Variants in EYS observed in about 807,000 individuals in gnomAD.
EYS encodes protein eyes shut homolog.
In EYS, 250 loss-of-function variants were observed where a neutral mutation model predicts 282.1. The observed-to-expected ratio is 0.89, with a 90% CI of 0.80 to 0.98. The LOEUF is 0.98. Ranked by LOEUF, EYS falls within the 50% of genes least tolerant of loss-of-function variation. The pLI, the probability that EYS is intolerant of heterozygous loss-of-function variation, is 0.00. For synonymous variants in EYS, 1,355 were observed against 1,282.9 expected (o/e 1.06, Z -1.20); for missense variants, 4,016 against 3,709.0 (o/e 1.08, Z -2.15).
intron 26 of EYS, among the ~76,000 whole-genome samples, chr6:64,440,326 C>G (rs1381715235): frequency 6.6e-6 from 1 of 151,940 alleles, no homozygotes; most frequent in Non-Finnish European, 1.5e-5. Context: ...TAGAATTACT[C>G]ATTTTGCTAC....
At chr6:63,885,023 G>T (rs1256194798) in intron 35 of EYS, among the ~76,000 whole-genome samples, 1 of 152,000 alleles carries the variant, frequency 6.6e-6, no homozygotes, top group African/African-American at 2.4e-5. Flanking sequence ...CTTTCCATTT[G>T]CATCTCATGC....
chr6:64,295,793 A>C (rs1218268504), intron 30 of EYS, among the ~76,000 whole-genome samples: 1 of 151,962 alleles, frequency 6.6e-6, no homozygotes, highest in East Asian at 1.9e-4. Flanking sequence ...TTTGTTGCCA[A>C]TGTTACAATT....
intron 30 of EYS, among the ~76,000 whole-genome samples, chr6:64,286,290 T>A (rs1359949354): frequency 6.6e-6 from 1 of 151,866 alleles, no homozygotes; most frequent in Non-Finnish European, 1.5e-5. Flanking sequence ...GTTGAAAGAG[T>A]TTAAACTTTA....
At chr6:64,890,574 A>T (rs1395040440) in intron 18 of EYS, among the ~76,000 whole-genome samples, 2 of 152,056 alleles carry the variant, frequency 1.3e-5, no homozygotes, top group African/African-American at 4.8e-5. Flanking sequence ...TGTTATATTC[A>T]TTTTTTTGCT....
At chr6:64,160,358 T>G (rs1024197050) in intron 31 of EYS, among the ~76,000 whole-genome samples, 9 of 152,226 alleles carry the variant, frequency 5.9e-5, no homozygotes. Flanking sequence ...TTCATTCTCA[T>G]GTACTGAGTG....
Position 63,739,370 on chromosome 6 carries a change from C to T in EYS, c.8072-12690G>A, listed in dbSNP as rs142652518. On this transcript the variant is annotated intron_variant, in intron 41 of 42. Transcript: ENST00000503581. ...CAGGGAGCTCTGGAGCTCCCTGGAGCTCTTTAGAGTCATTTCACATTGAAG... is the reference window on the plus strand; with the variant it reads ...CAGGGAGCTCTGGAGCTCCCTGGAGTTCTTTAGAGTCATTTCACATTGAAG... Among the ~76,000 whole-genome samples the T allele has an allele frequency of 2.2e-4, 33 of 152,228 alleles. No homozygotes were observed. The East Asian group carries it at 6.0e-3, about 28-fold the overall frequency.
chr6:64,113,643 A>G (rs1172772776), intron 31 of EYS, among the ~76,000 whole-genome samples: 2 of 152,174 alleles, frequency 1.3e-5, no homozygotes, highest in Non-Finnish European at 2.9e-5. Context: ...ACTAGAGGGT[A>G]AGGAATTGGC....
intron 31 of EYS, among the ~76,000 whole-genome samples, chr6:64,215,042 T>A (rs949601450): frequency 9.9e-5 from 15 of 152,024 alleles, no homozygotes; most frequent in African/African-American, 2.9e-4. Flanking sequence ...TTATTCTGAT[T>A]TCTATTATCT....
intron 28 of EYS, among the ~76,000 whole-genome samples, chr6:64,395,381 C>T (rs1412030670): frequency 6.6e-6 from 1 of 152,080 alleles, no homozygotes; most frequent in Admixed American, 6.6e-5. Flanking sequence ...TGGAACCAAC[C>T]CAAATGTCCA....
At chr6:64,920,970 A>T (rs1010442098) in intron 15 of EYS, among the ~76,000 whole-genome samples, 1 of 152,164 alleles carries the variant, frequency 6.6e-6, no homozygotes, top group Non-Finnish European at 1.5e-5. Flanking sequence ...TTACACTTGA[A>T]GTCTCAGAAG....
chr6:65,236,409 A>G (rs1394115714), intron 12 of EYS, among the ~76,000 whole-genome samples: 1 of 152,142 alleles, frequency 6.6e-6, no homozygotes, highest in African/African-American at 2.4e-5. Flanking sequence ...CAGGAGTTCA[A>G]GACTAGCCTG....
At chr6:65,510,215 C>T (rs1168563394) in intron 2 of EYS, among the ~76,000 whole-genome samples, 3 of 132,924 alleles carry the variant, frequency 2.3e-5, no homozygotes, top group Admixed American at 8.8e-5. Context: ...TGTTCCCCTT[C>T]CTGTGTCCAT....
At chr6:65,348,471 T>C (rs1770483003) in intron 9 of EYS, among the ~76,000 whole-genome samples, 1 of 151,790 alleles carries the variant, frequency 6.6e-6, no homozygotes, top group African/African-American at 2.4e-5. Flanking sequence ...TGATGACTAA[T>C]AATGTTGAGC....
intron 29 of EYS, among the ~76,000 whole-genome samples, chr6:64,319,225 T>C (rs1196029651): frequency 2.0e-5 from 3 of 152,040 alleles, no homozygotes; most frequent in Non-Finnish European, 2.9e-5. Flanking sequence ...AAATAGTCAA[T>C]TGGTATTACA....
At chr6:64,742,902 C>A (rs1481529067) in intron 22 of EYS, among the ~76,000 whole-genome samples, 1 of 151,938 alleles carries the variant, frequency 6.6e-6, no homozygotes, top group African/African-American at 2.4e-5. Context: ...AGTATGAAAG[C>A]CACAAAATCA....
intron 11 of EYS, among the ~76,000 whole-genome samples, chr6:65,317,821 C>CTTTCTTT (rs1769340793): frequency 1.9e-5 from 1 of 51,534 alleles, no homozygotes; most frequent in Non-Finnish European, 3.7e-5. Context: ...TTCCTTCCTT[C>CTTTCTTT]CTTCCTTTCT....
chr6:64,661,400 A>G (rs1438709403), intron 22 of EYS, among the ~76,000 whole-genome samples: 1 of 152,224 alleles, frequency 6.6e-6, no homozygotes, highest in Non-Finnish European at 1.5e-5. Context: ...ATCTAATTAA[A>G]CTAAAAAGCT....
At chr6:65,581,261 G>A (rs1764858778) in intron 2 of EYS, among the ~76,000 whole-genome samples, 1 of 151,966 alleles carries the variant, frequency 6.6e-6, no homozygotes, top group Non-Finnish European at 1.5e-5. Context: ...GACTAGGACT[G>A]GTTCAAGAAT....
At chr6:63,870,725 A>G (rs1322783241) in intron 35 of EYS, among the ~76,000 whole-genome samples, 1 of 152,124 alleles carries the variant, frequency 6.6e-6, no homozygotes, top group Non-Finnish European at 1.5e-5. Flanking sequence ...AATTGTCCCA[A>G]ATCTCTTTAT....
Sources: allele counts gnomAD v4.1 joint callset (sites outside exome capture counted in the v4.1 genomes callset), GRCh38; gene constraint gnomAD v4.1.1; transcripts MANE v1.5; gene names NCBI Gene and HGNC (gene_info 2026-07-23, HGNC 2026-07-21).